HPSE2: variants seen among roughly 807,000 people sequenced by gnomAD.
HPSE2 encodes heparanase 2 (inactive), also known as inactive heparanase-2.
HPSE2 carries 38 observed loss-of-function variants against 60.5 expected under a neutral mutation model. The ratio of observed to expected loss-of-function variants is 0.63; its 90% confidence interval spans 0.48 to 0.82. HPSE2 has a LOEUF of 0.82. Among genes scored for constraint, HPSE2 ranks in the 40% least tolerant of loss-of-function variants. The pLI is 0.00. For synonymous variants in HPSE2, 295 were observed against 293.2 expected (o/e 1.01, Z -0.06); for missense variants, 713 against 740.4 (o/e 0.96, Z 0.43).
chr10:98,950,788 C>T (rs1266225464), intron 3 of HPSE2, among the ~76,000 whole-genome samples: 1 of 152,144 alleles, frequency 6.6e-6, no homozygotes, highest in Non-Finnish European at 1.5e-5. Context: ...GGATAGGCAA[C>T]TCAAATGTTA....
intron 3 of HPSE2, among the ~76,000 whole-genome samples, chr10:98,924,103 G>T (rs1348143266): frequency 1.3e-5 from 2 of 152,212 alleles, no homozygotes; most frequent in African/African-American, 4.8e-5. Context: ...ATAATACGGT[G>T]GGTTTTGTAC....
At chr10:98,755,833 G>T (rs994288408) in intron 3 of HPSE2, among the ~76,000 whole-genome samples, 2 of 151,696 alleles carry the variant, frequency 1.3e-5, no homozygotes, top group Non-Finnish European at 2.9e-5. Context: ...CCATCTCTAT[G>T]AAAAATGCAA....
At chr10:98,847,600 A>G (rs1296178609) in intron 3 of HPSE2, among the ~76,000 whole-genome samples, 1 of 152,238 alleles carries the variant, frequency 6.6e-6, no homozygotes, top group Non-Finnish European at 1.5e-5. Context: ...GGGAAAAAGA[A>G]TCATGATAGC....
intron 3 of HPSE2, among the ~76,000 whole-genome samples, chr10:99,099,135 G>C (rs1843836202): frequency 6.6e-6 from 1 of 152,170 alleles, no homozygotes; most frequent in African/African-American, 2.4e-5. Flanking sequence ...GGGCTTGTCA[G>C]ACAGTGGGTG....
At chr10:98,852,344 T>G (rs1952202293) in intron 3 of HPSE2, among the ~76,000 whole-genome samples, 1 of 152,132 alleles carries the variant, frequency 6.6e-6, no homozygotes, top group Admixed American at 6.5e-5. Context: ...GCTTTTTGTG[T>G]TGGAGCTGGC....
intron 9 of HPSE2, among the ~76,000 whole-genome samples, chr10:98,585,687 C>CA (rs1197388592): frequency 1.3e-5 from 2 of 151,732 alleles, no homozygotes; most frequent in African/African-American, 4.8e-5. Context: ...CGCAGTGGCT[C>CA]ACGCCTGTAA....
rs753783475 is a variant in HPSE2, at chr10:98,491,179, A to C, written c.1321-983T>G. On this transcript the variant is annotated intron_variant, in intron 9 of 11. Transcript: ENST00000370552. ...CATCAATCGTGATTTATTAAACTTC[A>C]TATTTTCAGGCAGAAGCCTTCTGAT... Among the ~76,000 whole-genome samples, 3 of 149,394 alleles carry C rather than the reference A, an allele frequency of 2.0e-5. No individual in the cohort carries two copies. The East Asian group carries it at 6.0e-4, about 30-fold the overall frequency.
At chr10:98,525,607 T>C (rs934287034) in intron 9 of HPSE2, among the ~76,000 whole-genome samples, 1 of 152,182 alleles carries the variant, frequency 6.6e-6, no homozygotes, top group Non-Finnish European at 1.5e-5. Flanking sequence ...TGGTGAAAAT[T>C]GAGTTTGATG....
chr10:99,303,163 G>T, the HPSE2 span, among the ~76,000 whole-genome samples: 2 of 152,040 alleles, frequency 1.3e-5, no homozygotes, highest in African/African-American at 4.8e-5. Flanking sequence ...CAATCCTCAG[G>T]TAACGCAGCA....
At chr10:99,193,968 G>C (rs1848308553) in intron 2 of HPSE2, among the ~76,000 whole-genome samples, 1 of 151,946 alleles carries the variant, frequency 6.6e-6, no homozygotes, top group Non-Finnish European at 1.5e-5. Flanking sequence ...CCAAGAGCTG[G>C]AGAATACATA....
chr10:99,006,445 C>T (rs906455052), intron 3 of HPSE2, among the ~76,000 whole-genome samples: 8 of 152,162 alleles, frequency 5.3e-5, no homozygotes, highest in Non-Finnish European at 5.9e-5. Context: ...ATGCCAGAGG[C>T]TATGACCTGG....
chr10:99,013,373 T>A, intron 3 of HPSE2: 13 of 585,074 alleles, frequency 2.2e-5, no homozygotes, highest in South Asian at 2.0e-4. Flanking sequence ...TCACAGCAAC[T>A]ATACAGACTC....
the HPSE2 span, among the ~76,000 whole-genome samples, chr10:99,306,521 A>G: frequency 6.6e-6 from 1 of 152,012 alleles, no homozygotes; most frequent in Non-Finnish European, 1.5e-5. Context: ...CATTATGTGA[A>G]TAATATATCT....
At chr10:99,274,976 A>C in the HPSE2 span, among the ~76,000 whole-genome samples, 4 of 152,326 alleles carry the variant, frequency 2.6e-5, no homozygotes, top group East Asian at 7.7e-4. Context: ...TTCTCATGAA[A>C]ATTTTATTAT....
intron 2 of HPSE2, among the ~76,000 whole-genome samples, chr10:99,165,081 CAAAAAAAAAAAAA>C (rs56263581): frequency 4.6e-5 from 3 of 65,764 alleles, no homozygotes; most frequent in African/African-American, 1.2e-4. Context: ...GACTCGGTCT[CAAAAAAAAAAAAA>C]AAAAAAAAAA....
chr10:98,519,832 CA>C (rs1384911683), intron 9 of HPSE2, among the ~76,000 whole-genome samples: 1 of 152,200 alleles, frequency 6.6e-6, no homozygotes, highest in Non-Finnish European at 1.5e-5. Context: ...GGTCTCCACC[CA>C]GACCCCTCCA....
At chr10:98,537,941 A>G (rs187250251) in intron 9 of HPSE2, among the ~76,000 whole-genome samples, 27 of 152,350 alleles carry the variant, frequency 1.8e-4, no homozygotes, top group Non-Finnish European at 3.4e-4. Context: ...GAAATAGTGA[A>G]AGTCTTAAAG....
chr10:98,539,094 A>G (rs1022427292), intron 9 of HPSE2, among the ~76,000 whole-genome samples: 3 of 152,226 alleles, frequency 2.0e-5, no homozygotes, highest in Non-Finnish European at 4.4e-5. Flanking sequence ...ACTGCTTGAT[A>G]TTAGGCTCAG....
intron 2 of HPSE2, among the ~76,000 whole-genome samples, chr10:99,209,948 A>G (rs894016461): frequency 2.0e-5 from 3 of 152,224 alleles, no homozygotes; most frequent in Admixed American, 6.5e-5. Flanking sequence ...TCAGCCTCCC[A>G]AAGTGCTGGG....
Sources: gnomAD v4.1 joint callset for allele counts (sites outside exome capture counted in the v4.1 genomes callset) on GRCh38, gnomAD v4.1.1 for gene constraint, MANE v1.5 for transcripts, NCBI Gene and HGNC (gene_info 2026-07-23, HGNC 2026-07-21) for gene names.